Variants in ZNF628 observed in about 807,000 individuals in gnomAD.
ZNF628 encodes zinc finger protein 628.
ZNF628 carries 3 observed loss-of-function variants against 2.5 expected under a neutral mutation model. The ratio of observed to expected loss-of-function variants is 1.19; its 90% CI spans 0.54 to 3.07. The LOEUF (loss-of-function observed/expected upper bound fraction) is 3.07. ZNF628 is among the 30% of genes most tolerant of loss of function. ZNF628 has a pLI of 0.03. For synonymous variants in ZNF628, 861 were observed against 717.1 expected (o/e 1.20, Z -3.21); for missense variants, 1,610 against 1,517.1 (o/e 1.06, Z -1.02).
rs1986849749 is a variant in ZNF628 at position 55,484,313 on chromosome 19, C to T, written c.3120C>T (p.Gly1040=). ...GGCCTGGTGTTATGACCCCTCAGGG[C>T]CTGCCCTCCATCCAGATTGTCCAGA... ...GAGPGVMTPQ[G]LPSIQIVQTL... The change falls in exon 3 of 3, where the codon GGC becomes GGT. Residue 1040 remains glycine, a synonymous_variant. Transcript: ENST00000598519. The T allele has an allele frequency of 3.3e-6, 5 of 1,498,976 alleles. 1 individual carries two copies. In the East Asian group the frequency reaches 1.2e-4, roughly 37 times the overall value. 92.9% of individuals were successfully genotyped at this position (1,498,976 alleles called of 1,614,324 possible).
intron 1 of ZNF628, among the ~76,000 whole-genome samples, chr19:55,477,269 G>T (rs1986577156): frequency 6.6e-6 from 1 of 152,236 alleles, no homozygotes; most frequent in South Asian, 2.1e-4. Flanking sequence ...ATGGGACCCC[G>T]CTCTTTCAGG....
rs766056019 is a variant in ZNF628, at chr19:55,482,573, C to T, written c.1380C>T (p.Gly460=). ...AERPYKCAEC[G]KSFKGSSGLR... ...GGCCCTACAAATGTGCCGAGTGCGG[C>T]AAGTCCTTCAAGGGCTCCTCCGGGC... is the stretch of plus-strand genomic sequence containing the variant. The change falls in exon 3 of 3, where the codon GGC becomes GGT. Residue 460 remains glycine (G), a synonymous_variant. Transcript: ENST00000598519. 5 of 1,579,402 alleles carry T rather than the reference C, an allele frequency of 3.2e-6. No homozygotes were observed. The highest frequency in any genetic ancestry group is 4.5e-5 in the East Asian group (2 of 44,274).
rs1986846330 is a variant in ZNF628, at chr19:55,484,231, C to T, written c.3038C>T (p.Ala1013Val). ...CCGTCAGGCCCAGCCTCGGGCCCCGCGGGGCTCCCCGGGGCTCCAGCCTCC... is the reference window on the plus strand; with the variant it reads ...CCGTCAGGCCCAGCCTCGGGCCCCGTGGGGCTCCCCGGGGCTCCAGCCTCC... ...PPPSGPASGP[A>V]GLPGAPASQM... Residue 1013 changes from alanine to valine, a missense_variant, in exon 3 of 3, where the codon GCG (alanine) becomes GTG (valine). Physicochemically the swap from Ala to Val is moderately conservative, Grantham distance 64 (BLOSUM62 0). Transcript: ENST00000598519. The T allele has an allele frequency of 1.3e-6, 2 of 1,547,144 alleles. No individual in the cohort carries two copies. The highest frequency in any genetic ancestry group is 1.7e-6 in the Non-Finnish European group (2 of 1,145,534).
At chr19:55,477,604 A>G (rs1986588818) in intron 1 of ZNF628, among the ~76,000 whole-genome samples, 1 of 152,100 alleles carries the variant, frequency 6.6e-6, no homozygotes, top group South Asian at 2.1e-4. Context: ...TCTACTAAAA[A>G]TACAAAAATT....
intron 2 of ZNF628, among the ~76,000 whole-genome samples, chr19:55,480,567 CCCA>C (rs1986673805): frequency 6.6e-6 from 1 of 152,070 alleles, no homozygotes; most frequent in African/African-American, 2.4e-5. Flanking sequence ...ATTACAGGCG[CCCA>C]CCACCATGCC....
chr19:55,477,582 T>C (rs1986588044), intron 1 of ZNF628, among the ~76,000 whole-genome samples: 1 of 151,684 alleles, frequency 6.6e-6, no homozygotes, highest in African/African-American at 2.4e-5. Context: ...GGCAATATGG[T>C]GAAACCCCGT....
chr19:55,482,990 C>A lies in ZNF628; in HGVS notation c.1797C>A (p.Cys599Ter). Reference sequence around the variant, plus strand: ...AGCGGCCCTTCCGCTGCCCGCTCTGCCCCAAGACCTTCACCCACTCCTCCA... The same window carrying A: ...AGCGGCCCTTCCGCTGCCCGCTCTGACCCAAGACCTTCACCCACTCCTCCA... ...TGERPFRCPL[C>*]PKTFTHSSNL... Residue 599 changes from cysteine to a stop codon, truncating the protein, a stop_gained, in exon 3 of 3, where the codon TGC (cysteine) becomes TGA (stop). Transcript: ENST00000598519. LOFTEE classifies it low-confidence loss of function (END_TRUNC). 1 of 1,611,890 alleles carries A rather than the reference C, an allele frequency of 6.2e-7. No individual in the cohort carries two copies. The highest frequency in any genetic ancestry group is 8.5e-7 in the Non-Finnish European group (1 of 1,179,448).
chr19:55,484,447 C>A lies in ZNF628; in HGVS notation c.*74C>A, dbSNP rs913946954. The A allele has an allele frequency of 1.5e-6, 2 of 1,323,954 alleles. No individual in the cohort carries two copies. Among genetic ancestry groups the A allele is most frequent in the Admixed American group, 3.3e-5 (1 of 29,874 alleles). 82.0% of individuals were successfully genotyped at this position (1,323,954 alleles called of 1,614,324 possible). A position where few individuals can be genotyped will look rare whatever the true frequency, so the allele number is the denominator to read the frequency against. ...TGCCAGCCGGGGCGGGGCAGGGTGC[C>A]GCAGGCTGGGCTTGCTAATAAAGAC... On this transcript the variant is annotated 3_prime_UTR_variant, in exon 3 of 3. Coordinates refer to ENST00000598519, the MANE Select transcript of ZNF628 (RefSeq NM_033113.3).
At position 55,482,488 on chromosome 19, in the gene ZNF628, C is replaced by T. The variant is rs755715368; in HGVS notation, c.1295C>T (p.Pro432Leu). The T allele has an allele frequency of 2.8e-6, 4 of 1,444,622 alleles. No individual in the cohort carries two copies. Among genetic ancestry groups the T allele is most frequent in the Middle Eastern group, 5.0e-4 (2 of 3,986 alleles). 89.5% of individuals were successfully genotyped at this position (1,444,622 alleles called of 1,614,324 possible). The change falls in exon 3 of 3, where the codon CCG becomes CTG. Residue 432 changes from proline to leucine, a missense_variant. Physicochemically the swap from Pro to Leu is moderately conservative, Grantham distance 98 (BLOSUM62 -3). Around this residue, in one of 5 missense-constraint regions of ZNF628, gnomAD observed 651 missense variants for 575.6 expected, o/e 1.13. Transcript: ENST00000598519. ...GCGGAGGTGACCTGCCCCCAGGAAC[C>T]GCTGGCGCCTGCCGCCCCCGTCCCG... ...EAAEVTCPQE[P>L]LAPAAPVPPP...
chr19:55,482,082 T>C lies in ZNF628; in HGVS notation c.889T>C (p.Cys297Arg). 2 of 1,499,528 alleles carry C rather than the reference T, an allele frequency of 1.3e-6. No individual in the cohort carries two copies. Among genetic ancestry groups the C allele is most frequent in the South Asian group, 1.2e-5 (1 of 82,700 alleles). The allele number at this position is 1,499,528 out of a possible 1,614,324, so 92.9% of individuals were successfully genotyped here. The change falls in exon 3 of 3, where the codon TGC becomes CGC. Residue 297 changes from cysteine to arginine, a missense_variant. By Grantham distance (180) the Cys-to-Arg change is radical. Coordinates refer to ENST00000598519, the MANE Select transcript of ZNF628 (RefSeq NM_033113.3). ...GACCACGGTGGAGCTGGTGTACCGCTGCGATGGCTGCGAGCAGGGATTCAG... is the reference window on the plus strand; with the variant it reads ...GACCACGGTGGAGCTGGTGTACCGCCGCGATGGCTGCGAGCAGGGATTCAG... ...AETTVELVYR[C>R]DGCEQGFSSE...
In ZNF628 at chr19:55,482,552, C is replaced by T; in HGVS notation, c.1359C>T (p.Pro453=). ...PPSAPASAER[P]YKCAECGKSF... ...CCGCCCCCGCTTCTGCGGAGCGGCC[C>T]TACAAATGTGCCGAGTGCGGCAAGT... is the stretch of plus-strand genomic sequence containing the variant. The change falls in exon 3 of 3, where the codon CCC becomes CCT. Residue 453 remains proline (P), a synonymous_variant. Transcript: ENST00000598519. 5 of 1,585,628 alleles carry T rather than the reference C, an allele frequency of 3.2e-6. No homozygotes were observed. The highest frequency in any genetic ancestry group is 4.3e-6 in the Non-Finnish European group (5 of 1,171,862).
Position 55,482,220 on chromosome 19 carries a change from C to T in ZNF628, c.1027C>T (p.Pro343Ser). The T allele has an allele frequency of 6.8e-7, 1 of 1,465,938 alleles. No homozygotes were observed. Among genetic ancestry groups the T allele is most frequent in the Admixed American group, 2.4e-5 (1 of 41,038 alleles). The allele number at this position is 1,465,938 out of a possible 1,614,324, so 90.8% of individuals were successfully genotyped here. A position where few individuals can be genotyped will look rare whatever the true frequency, so the allele number is the denominator to read the frequency against. Residue 343 changes from proline to serine, a missense_variant, in exon 3 of 3, where the codon CCG becomes TCG. Pro to Ser is a moderately conservative substitution (Grantham distance 74). Transcript: ENST00000598519. ...GGCCGACCAGCCACCGTCCCCTCTG[C>T]CGCAGCCCCCTCCTCCCGCCGCCGC... Reference protein sequence around the residue: ...PKADQPPSPLPQPPPPAAAPA... With the variant: ...PKADQPPSPLSQPPPPAAAPA...
rs762367964 is a variant in ZNF628, at chr19:55,481,292, G to A, written c.99G>A (p.Ala33=). 1 of 1,605,398 alleles carries A rather than the reference G, an allele frequency of 6.2e-7. No homozygotes were observed. Among genetic ancestry groups the A allele is most frequent in the Non-Finnish European group, 8.5e-7 (1 of 1,177,122 alleles). ...CAGGCCCTGCGGCCCCTGCCCCGGC[G>A]GCCCAGTACGAATGTGGGGAGTGTG... The part of the protein sequence containing the change: ...EKPGPAAPAP[A]AQYECGECGK... The change falls in exon 3 of 3, where the codon GCG becomes GCA. Residue 33 remains alanine (A), a synonymous_variant. Coordinates refer to ENST00000598519, the MANE Select transcript of ZNF628 (RefSeq NM_033113.3).
At chr19:55,480,718 G>A (rs576159485) in intron 2 of ZNF628, among the ~76,000 whole-genome samples, 1 of 152,352 alleles carries the variant, frequency 6.6e-6, no homozygotes, top group South Asian at 2.1e-4. Flanking sequence ...ACAGTGCCTG[G>A]CCCCATGAGG....
At position 55,482,159 on chromosome 19, in the gene ZNF628, G is replaced by A; in HGVS notation, c.966G>A (p.Ala322=). ...AGCCGTGCCCCGGGCCCGATGCGGC[G>A]CCCCAGCCCCAGGAGGCACCCGCCG... ...EHQPCPGPDA[A]PQPQEAPAEA... is the part of the protein sequence containing the mutation. Residue 322 remains alanine, a synonymous_variant, in exon 3 of 3, where the codon GCG becomes GCA. Transcript: ENST00000598519. 6.7e-7 allele frequency: 1 copy of A among 1,496,684 alleles called. No individual in the cohort carries two copies. Among genetic ancestry groups the A allele is most frequent in the Non-Finnish European group, 8.9e-7 (1 of 1,127,608 alleles). The allele number at this position is 1,496,684 out of a possible 1,614,324, so 92.7% of individuals were successfully genotyped here.
chr19:55,482,781 C>A lies in ZNF628; in HGVS notation c.1588C>A (p.Arg530=), dbSNP rs1427206480. Residue 530 remains arginine, a synonymous_variant, in exon 3 of 3, where the codon CGG becomes AGG. Transcript: ENST00000598519. Reference sequence around the variant, plus strand: ...GTCGTCCCACTACCAGTACCACCTGCGGCTGCACTCTGGCGAGCGGCCCTA... The same window carrying A: ...GTCGTCCCACTACCAGTACCACCTGAGGCTGCACTCTGGCGAGCGGCCCTA... ...KWSSHYQYHL[R]LHSGERPYAC... is the part of the protein sequence containing the mutation. The A allele has an allele frequency of 1.2e-6, 2 of 1,610,804 alleles. No homozygotes were observed. Among genetic ancestry groups the A allele is most frequent in the Admixed American group, 3.3e-5 (2 of 59,872 alleles).
Position 55,483,781 on chromosome 19 carries a change from C to T in ZNF628, c.2588C>T (p.Thr863Ile), listed in dbSNP as rs112775775. The T allele has an allele frequency of 1.2e-6, 2 of 1,613,778 alleles. No individual in the cohort carries two copies. Among genetic ancestry groups the T allele is most frequent in the Non-Finnish European group, 1.7e-6 (2 of 1,179,808 alleles). Residue 863 changes from threonine (T) to isoleucine (I), a missense_variant, in exon 3 of 3, where the codon ACC (threonine) becomes ATC (isoleucine). Physicochemically the swap from Thr to Ile is moderately conservative, Grantham distance 89 (BLOSUM62 -1). This residue lies in a region of ZNF628 where 712 missense variants were observed against 603.6 expected (regional missense o/e 1.18). Coordinates refer to ENST00000598519, the MANE Select transcript of ZNF628 (RefSeq NM_033113.3). ...TVQLQPAQEV[T>I]TVQLQPVAGQ... Reference sequence around the variant, plus strand: ...CAGCTCCAGCCAGCACAGGAGGTGACCACGGTCCAGCTCCAGCCCGTGGCC... The same window carrying T: ...CAGCTCCAGCCAGCACAGGAGGTGATCACGGTCCAGCTCCAGCCCGTGGCC...
rs1295018622 is a variant in ZNF628, at chr19:55,483,199, C to T, written c.2006C>T (p.Ala669Val). Residue 669 changes from alanine to valine, a missense_variant, in exon 3 of 3, where the codon GCG becomes GTG. Coordinates refer to ENST00000598519, the MANE Select transcript of ZNF628 (RefSeq NM_033113.3). Reference sequence around the variant, plus strand: ...CAGCCCCCTGCTCCACTGGCTGCTGCGCGGGCCCCGCCAGCCACCCAAGAT... The same window carrying T: ...CAGCCCCCTGCTCCACTGGCTGCTGTGCGGGCCCCGCCAGCCACCCAAGAT... ...GPQPPAPLAA[A>V]RAPPATQDVH... 3.2e-6 allele frequency: 5 copies of T among 1,543,526 alleles called. No homozygotes were observed. Among genetic ancestry groups the T allele is most frequent in the East Asian group, 2.4e-5 (1 of 41,350 alleles).
rs764688690 is a variant in ZNF628, at chr19:55,483,630, C to G, written c.2437C>G (p.Gln813Glu). ...TGTGGGGGGTGGGGAGGCAGGGCCA[C>G]AGGAAATGAGTGGGGTGCAGCTCCA... The part of the protein sequence containing the change: ...QNVGGGEAGP[Q>E]EMSGVQLQPL... Residue 813 changes from glutamine to glutamate, a missense_variant, in exon 3 of 3, where the codon CAG becomes GAG. Around this residue, in one of 5 missense-constraint regions of ZNF628, gnomAD observed 712 missense variants for 603.6 expected, o/e 1.18. Transcript: ENST00000598519. 6.2e-7 allele frequency: 1 copy of G among 1,613,554 alleles called. No homozygotes were observed. The highest frequency in any genetic ancestry group is 8.5e-7 in the Non-Finnish European group (1 of 1,179,826).
Sources: gnomAD v4.1 joint callset for allele counts (sites outside exome capture counted in the v4.1 genomes callset) on GRCh38, gnomAD v4.1.1 for gene constraint, gnomAD v4.1.1 regional missense constraint, MANE v1.5 for transcripts, NCBI Gene and HGNC (gene_info 2026-07-23, HGNC 2026-07-21) for gene names.